BLTP1: variants seen among roughly 807,000 people sequenced by gnomAD.
BLTP1 encodes the protein fragile site-associated protein.
chr4:122,298,019 T>C, the BLTP1 span: 8 of 286,004 alleles, frequency 2.8e-5, no homozygotes, highest in Non-Finnish European at 3.7e-5. Context: ...CATTTACCTA[T>C]GTAACAAATG....
At chr4:122,239,030 A>C in the BLTP1 span, among the ~76,000 whole-genome samples, 1 of 152,146 alleles carries the variant, frequency 6.6e-6, no homozygotes, top group Non-Finnish European at 1.5e-5. Flanking sequence ...GGAGACTTCA[A>C]ACTCAACATA....
the BLTP1 span, chr4:122,187,882 T>A: frequency 4.5e-6 from 7 of 1,553,074 alleles, no homozygotes; most frequent in Non-Finnish European, 5.2e-6. Context: ...TCTGTTTATT[T>A]TTTTTTTTTT....
At chr4:122,356,904 C>A in the BLTP1 span, 1 of 1,435,560 alleles carries the variant, frequency 7.0e-7, no homozygotes, top group Non-Finnish European at 9.1e-7. Context: ...AAGACTATCA[C>A]AGACTTTCTG....
the BLTP1 span, among the ~76,000 whole-genome samples, chr4:122,264,730 G>A: frequency 2.0e-5 from 3 of 152,190 alleles, no homozygotes; most frequent in Non-Finnish European, 4.4e-5. Flanking sequence ...TTAGTGCTAC[G>A]TTAAGACTTT....
chr4:122,172,203 T>C, the BLTP1 span: 1 of 467,952 alleles, frequency 2.1e-6, no homozygotes, highest in Non-Finnish European at 2.8e-6. Context: ...GCTTTATCCA[T>C]AATACATAAT....
chr4:122,349,309 A>C, the BLTP1 span: 1 of 1,611,092 alleles, frequency 6.2e-7, no homozygotes, highest in Non-Finnish European at 8.5e-7. This position sits in a 1 kb window ranked among gnomAD's most constrained non-coding sequence, Gnocchi z 4.5. Context: ...TGCTTTGGAG[A>C]TGGTTGGTAT....
the BLTP1 span, chr4:122,359,466 A>G: frequency 5.3e-6 from 8 of 1,504,300 alleles, no homozygotes; most frequent in Non-Finnish European, 7.1e-6. Flanking sequence ...TGGCCAGGTC[A>G]TAGATAAAAT....
the BLTP1 span, chr4:122,197,326 A>T: frequency 8.1e-7 from 1 of 1,240,730 alleles, no homozygotes; most frequent in Non-Finnish European, 1.1e-6. Context: ...AATAATTATA[A>T]ATAATAAAGT....
the BLTP1 span, chr4:122,192,452 A>G: frequency 2.0e-6 from 2 of 1,025,554 alleles, no homozygotes; most frequent in Admixed American, 2.3e-5. Flanking sequence ...AATAAAAGCT[A>G]GCTTAAAATT....
chr4:122,336,509 T>C, the BLTP1 span: 6 of 460,096 alleles, frequency 1.3e-5, no homozygotes, highest in African/African-American at 1.3e-4. Context: ...GATCATCTAA[T>C]TGTCATTTAC....
At chr4:122,262,841 T>C in the BLTP1 span, 33 of 1,613,970 alleles carry the variant, frequency 2.0e-5, no homozygotes, top group Non-Finnish European at 2.8e-5. Context: ...TTGGACGTGC[T>C]GGGATGCCAG....
chr4:122,272,263 T>C, the BLTP1 span: 1 of 1,613,408 alleles, frequency 6.2e-7, no homozygotes, highest in Non-Finnish European at 8.5e-7. Context: ...TGGTAACTTC[T>C]GAACCTCAGC....
the BLTP1 span, chr4:122,208,773 A>T: frequency 1.7e-6 from 1 of 600,088 alleles, no homozygotes; most frequent in Non-Finnish European, 2.1e-6. Flanking sequence ...AAATTTGTTT[A>T]TCTCACTCGT....
the BLTP1 span, chr4:122,269,562 T>C: frequency 1.0e-6 from 1 of 985,324 alleles, no homozygotes; most frequent in Non-Finnish European, 1.2e-6. Context: ...TAAGCTCTTA[T>C]TTATTTGGAG....
the BLTP1 span, among the ~76,000 whole-genome samples, chr4:122,335,402 A>G: frequency 6.6e-6 from 1 of 152,142 alleles, no homozygotes; most frequent in African/African-American, 2.4e-5. Context: ...TCTGGCTACC[A>G]TAGCACATGA....
the BLTP1 span, among the ~76,000 whole-genome samples, chr4:122,236,515 C>G: frequency 6.6e-6 from 1 of 152,148 alleles, no homozygotes; most frequent in African/African-American, 2.4e-5. Flanking sequence ...AGTAAGGACA[C>G]TGAGGCCTGT....
chr4:122,316,617 A>T, the BLTP1 span: 1 of 1,361,010 alleles, frequency 7.3e-7, no homozygotes, highest in Non-Finnish European at 1.0e-6. Context: ...TTCCAACCTT[A>T]ATATAGATGG....
the BLTP1 span, chr4:122,224,881 T>C: frequency 6.8e-7 from 1 of 1,466,568 alleles, no homozygotes; most frequent in Non-Finnish European, 9.0e-7. Context: ...ATATAATTTG[T>C]TGGGTGTAAT....
At chr4:122,162,312 A>G in the BLTP1 span, among the ~76,000 whole-genome samples, 8 of 152,222 alleles carry the variant, frequency 5.3e-5, no homozygotes, top group Non-Finnish European at 7.3e-5. Flanking sequence ...TCAAGTGATA[A>G]GTAATGTTAT....
Sources: gnomAD v4.1 joint callset for allele counts (sites outside exome capture counted in the v4.1 genomes callset) on GRCh38, gnomAD v4.1.1 for gene constraint, Gnocchi (gnomAD v3.1) non-coding constraint, MANE v1.5 for transcripts, NCBI Gene and HGNC (gene_info 2026-07-23, HGNC 2026-07-21) for gene names.